WTIP: variants seen among roughly 807,000 people sequenced by gnomAD.
WTIP encodes WT1 interacting protein, also known as Wilms tumor protein 1-interacting protein.
A neutral mutation model predicts 41.7 loss-of-function variants in WTIP; 23 were observed. The observed-to-expected ratio is 0.55, with a 90% CI of 0.40 to 0.78. The LOEUF (loss-of-function observed/expected upper bound fraction) is 0.78, where lower values mean the gene tolerates loss of function less well. WTIP is among the 30% of genes least tolerant of loss of function. The pLI is 0.00. For missense variants in WTIP, 619 were observed against 610.5 expected (o/e 1.01, Z -0.15); for synonymous variants, 314 against 269.9 (o/e 1.16, Z -1.60).
In WTIP at chr19:34,500,282, C is replaced by A. The variant is rs368317673; in HGVS notation, c.*13C>A. ...CACTGAGCTCTGAGCAGGGGAAAAC[C>A]CGTCCCTGGGCCGGGGTGGGTGTGG... is the stretch of plus-strand genomic sequence containing the variant. On this transcript the variant is annotated 3_prime_UTR_variant, in exon 8 of 8. Transcript: ENST00000590071. 88 of 1,599,000 alleles carry A rather than the reference C, an allele frequency of 5.5e-5. No individual in the cohort carries two copies. Among genetic ancestry groups the A allele is most frequent in the Non-Finnish European group, 7.3e-5 (86 of 1,174,980 alleles).
rs549263522 is a variant in WTIP, at chr19:34,488,584, C to T, written c.668-1792C>T. Among the ~76,000 whole-genome samples, 747 of 151,526 alleles carry T rather than the reference C, an allele frequency of 4.9e-3. 5 individuals carry two copies. Among genetic ancestry groups the T allele is most frequent in the Middle Eastern group, 0.02 (6 of 294 alleles). On this transcript the variant is annotated intron_variant, in intron 1 of 7. Coordinates refer to ENST00000590071, the MANE Select transcript of WTIP (RefSeq NM_001080436.2). ...GTCTCGCTGTGTTTCCCAGGCTAGT[C>T]TGGAACTCTTCGGCTCAAGTGATCC...
intron 6 of WTIP, among the ~76,000 whole-genome samples, chr19:34,494,851 C>T (rs557645703): frequency 9.8e-5 from 15 of 152,346 alleles, no homozygotes; most frequent in Non-Finnish European, 1.9e-4. Flanking sequence ...TGGCCCCTGC[C>T]GCTCAGCTGC....
In WTIP at chr19:34,501,128, G is replaced by T. The variant is rs894407110; in HGVS notation, c.*859G>T. 2 of 152,686 alleles carry T rather than the reference G, an allele frequency of 1.3e-5. No homozygotes were observed. The highest frequency in any genetic ancestry group is 2.9e-5 in the Non-Finnish European group (2 of 68,046). 9.5% of individuals were successfully genotyped at this position (152,686 alleles called of 1,614,324 possible). ...TTGACTTAAATTAAGTTTTTCCCTT[G>T]AGGATATTTTCATTTTCTTTAAAAG... On this transcript the variant is annotated 3_prime_UTR_variant, in exon 8 of 8. Coordinates refer to ENST00000590071, the MANE Select transcript of WTIP (RefSeq NM_001080436.2).
chr19:34,489,913 G>A (rs767129740), intron 1 of WTIP, among the ~76,000 whole-genome samples: 10 of 152,130 alleles, frequency 6.6e-5, no homozygotes, highest in Non-Finnish European at 1.3e-4. Flanking sequence ...CAGCCTGTGG[G>A]ACAGAGCGAG....
intron 1 of WTIP, among the ~76,000 whole-genome samples, chr19:34,488,759 C>T (rs942073417): frequency 5.3e-5 from 8 of 151,872 alleles, no homozygotes; most frequent in Non-Finnish European, 8.8e-5. Flanking sequence ...CATCCTTGGC[C>T]GGGCATAGCA....
intron 1 of WTIP, among the ~76,000 whole-genome samples, chr19:34,489,412 ATACAGAGGAGGACAGAGTGGG>A (rs989327747): frequency 2.2e-4 from 33 of 152,072 alleles, no homozygotes; most frequent in Non-Finnish European, 3.1e-4. Context: ...GGACCCTGGC[ATACAGAGGAGGACAGAGTGGG>A]TACAGAGGAG....
chr19:34,493,229 C>T lies in WTIP; in HGVS notation c.838-34C>T. 6.2e-7 allele frequency: 1 copy of T among 1,613,412 alleles called. No homozygotes were observed. The highest frequency in any genetic ancestry group is 8.5e-7 in the Non-Finnish European group (1 of 1,179,572). On this transcript the variant is annotated intron_variant, in intron 3 of 7. Transcript: ENST00000590071. This position sits in a 1 kb window ranked among gnomAD's most constrained non-coding sequence, Gnocchi z 4.1. ...AGCTGGGCCGCGAGTGCCCCTTTGT[C>T]ACACAATGTCCTGGATCCTGTGTCC...
At position 34,493,505 on chromosome 19, in the gene WTIP, T is replaced by C; in HGVS notation, c.914T>C (p.Leu305Pro). 1 of 1,613,588 alleles carries C rather than the reference T, an allele frequency of 6.2e-7. No individual in the cohort carries two copies. Among genetic ancestry groups the C allele is most frequent in the Admixed American group, 1.7e-5 (1 of 60,030 alleles). Residue 305 changes from leucine (L) to proline (P), a missense_variant, in exon 5 of 8, where the codon CTG (leucine) becomes CCG (proline). By Grantham distance (98) the Leu-to-Pro change is moderately conservative. Around this residue, in one of 3 missense-constraint regions of WTIP, gnomAD observed 164 missense variants for 219.1 expected, o/e 0.75. Coordinates refer to ENST00000590071, the MANE Select transcript of WTIP (RefSeq NM_001080436.2). The surrounding 1 kb of genome is among the most constrained non-coding windows in gnomAD (Gnocchi z 4.1). ...CCCCGCCCACAGATCCTGCAGGCCC[T>C]GGGCAAGTCCTACCACCCAGGCTGC... ...HLIMEMILQA[L>P]GKSYHPGCFR...
chr19:34,482,527 C>T lies in WTIP; in HGVS notation c.553C>T (p.Leu185Phe), dbSNP rs1371791966. 1 of 1,230,622 alleles carries T rather than the reference C, an allele frequency of 8.1e-7. No homozygotes were observed. Among genetic ancestry groups the T allele is most frequent in the Non-Finnish European group, 1.0e-6 (1 of 988,352 alleles). The allele number at this position is 1,230,622 out of a possible 1,614,324, so 76.2% of individuals were successfully genotyped here. The change falls in exon 1 of 8, where the codon CTC becomes TTC. Residue 185 changes from leucine (L) to phenylalanine (F), a missense_variant. Transcript: ENST00000590071. The stretch of plus-strand genomic sequence containing the variant: ...GCCGGCTCCCTTCCCGCTGCCTGCA[C>T]TCCCGCTGCCCCCTGGCCGGGAGGG... ...AGPAPFPLPA[L>F]PLPPGREGGP...
Position 34,493,657 on chromosome 19 carries a change from G to A in WTIP, c.1031+35G>A, listed in dbSNP as rs745616431. 74 of 1,611,158 alleles carry A rather than the reference G, an allele frequency of 4.6e-5. No individual in the cohort carries two copies. The Admixed American group carries it at 6.7e-4, about 15-fold the overall frequency. On this transcript the variant is annotated intron_variant, in intron 5 of 7. Coordinates refer to ENST00000590071, the MANE Select transcript of WTIP (RefSeq NM_001080436.2). This position sits in a 1 kb window ranked among gnomAD's most constrained non-coding sequence, Gnocchi z 4.1. ...TGGTGCTGTGGAGCAGGCGGGACTC[G>A]GGCCGTCCTCCCTGGCTCCTCTGGA... is the stretch of plus-strand genomic sequence containing the variant.
In WTIP at chr19:34,493,328, GAGCCCCTGCCCC is replaced by G. The variant is rs1568400008; in HGVS notation, c.900+8_900+19del. The G allele has an allele frequency of 6.2e-7, 1 of 1,612,116 alleles. No individual in the cohort carries two copies. ...GTGGACATCTCATCATGGAAATGGT[GAGCCCCTGCCCC>G]AGCCTCCTGGAGCCCCTCTGACGTG... On this transcript the variant is annotated splice_donor_5th_base_variant and intron_variant, in intron 4 of 7. Coordinates refer to ENST00000590071, the MANE Select transcript of WTIP (RefSeq NM_001080436.2). This position sits in a 1 kb window ranked among gnomAD's most constrained non-coding sequence, Gnocchi z 4.1.
chr19:34,482,161 G>A lies in WTIP; in HGVS notation c.187G>A (p.Ala63Thr), dbSNP rs1410027185. The A allele has an allele frequency of 5.6e-6, 6 of 1,077,678 alleles. No individual in the cohort carries two copies. The Admixed American group carries it at 3.2e-4, about 57-fold the overall frequency. 66.8% of individuals were successfully genotyped at this position (1,077,678 alleles called of 1,614,324 possible). ...GKGSGGPEAG[A>T]DGLSRGERGP... ...GGGCAGCGGCGGCCCCGAGGCCGGG[G>A]CGGACGGACTGAGCCGCGGGGAGCG... The change falls in exon 1 of 8, where the codon GCG becomes ACG. Residue 63 changes from alanine to threonine, a missense_variant. Physicochemically the swap from Ala to Thr is moderately conservative, Grantham distance 58. This residue lies in a region of WTIP where 363 missense variants were observed against 309.0 expected (regional missense o/e 1.17). Transcript: ENST00000590071.
At position 34,500,400 on chromosome 19, in the gene WTIP, G is replaced by T; in HGVS notation, c.*131G>T. 8.0e-7 allele frequency: 1 copy of T among 1,251,358 alleles called. No individual in the cohort carries two copies. The highest frequency in any genetic ancestry group is 1.1e-6 in the Non-Finnish European group (1 of 941,868). The allele number at this position is 1,251,358 out of a possible 1,614,324, so 77.5% of individuals were successfully genotyped here. A position where few individuals can be genotyped will look rare whatever the true frequency, so the allele number is the denominator to read the frequency against. ...CACCGAGCTGCTGTCTGCAGGGGCC[G>T]GACCCCCGCGTGGAAGCTTCTATTT... On this transcript the variant is annotated 3_prime_UTR_variant, in exon 8 of 8. Coordinates refer to ENST00000590071, the MANE Select transcript of WTIP (RefSeq NM_001080436.2).
rs1466147255 is a variant in WTIP, at chr19:34,501,451, C to G, written c.*1182C>G. ...GGACACACTGACGGGAATGTGGGGT[C>G]TGGACATGGGAGGCCCTGGTCCTGA... is the stretch of plus-strand genomic sequence containing the variant. On this transcript the variant is annotated 3_prime_UTR_variant, in exon 8 of 8. Coordinates refer to ENST00000590071, the MANE Select transcript of WTIP (RefSeq NM_001080436.2). 6.6e-6 allele frequency: 1 copy of G among 152,316 alleles called. No individual in the cohort carries two copies. The highest frequency in any genetic ancestry group is 6.5e-5 in the Admixed American group (1 of 15,288). The allele number at this position is 152,316 out of a possible 1,614,324, so 9.4% of individuals were successfully genotyped here.
chr19:34,483,788 C>T (rs1202327915), intron 1 of WTIP, among the ~76,000 whole-genome samples: 1 of 152,162 alleles, frequency 6.6e-6, no homozygotes, highest in East Asian at 1.9e-4. Flanking sequence ...ACTTCCCAAC[C>T]CGCCTTCTGT....
Position 34,481,875 on chromosome 19 carries a change from G to A in WTIP, c.-100G>A. 4.1e-6 allele frequency: 3 copies of A among 738,924 alleles called. No homozygotes were observed. Among genetic ancestry groups the A allele is most frequent in the Non-Finnish European group, 3.3e-6 (2 of 606,474 alleles). 45.8% of individuals were successfully genotyped at this position (738,924 alleles called of 1,614,324 possible). ...CCCCGCCCCGCGCCCAGGGGTCCCGGGGCGGGCTCCGGGCTTCGGGCGGAC... is the reference window on the plus strand; with the variant it reads ...CCCCGCCCCGCGCCCAGGGGTCCCGAGGCGGGCTCCGGGCTTCGGGCGGAC... On this transcript the variant is annotated 5_prime_UTR_variant, in exon 1 of 8. Coordinates refer to ENST00000590071, the MANE Select transcript of WTIP (RefSeq NM_001080436.2).
rs749207841 is a variant in WTIP at position 34,503,331 on chromosome 19, TATG to T, written c.*3064_*3066del. On this transcript the variant is annotated 3_prime_UTR_variant, in exon 8 of 8. Coordinates refer to ENST00000590071, the MANE Select transcript of WTIP (RefSeq NM_001080436.2). ...GCCACTCTCCCGGGGTTTCTTCCTC[TATG>T]AAGAAACCTTGGCCTCTATGAAGTC... 35,404 of 152,200 alleles carry T rather than the reference TATG, an allele frequency of 0.23. 4,330 individuals carry two copies. Among genetic ancestry groups the T allele is most frequent in the East Asian group, 0.39 (2,022 of 5,152 alleles). The allele number at this position is 152,200 out of a possible 1,614,324, so 9.4% of individuals were successfully genotyped here.
Position 34,509,711 on chromosome 19 carries a change from A to G in WTIP, c.*9442A>G, listed in dbSNP as rs921461817. 6.6e-6 allele frequency: 1 copy of G among 152,182 alleles called. No homozygotes were observed. Among genetic ancestry groups the G allele is most frequent in the Admixed American group, 6.5e-5 (1 of 15,274 alleles). 9.4% of individuals were successfully genotyped at this position (152,182 alleles called of 1,614,324 possible). The stretch of plus-strand genomic sequence containing the variant: ...GAGACAAGGCAAGGCCCTTCCACCT[A>G]TGAGCCTGTAAAATCAAAAGCAAGT... On this transcript the variant is annotated 3_prime_UTR_variant, in exon 8 of 8. Coordinates refer to ENST00000590071, the MANE Select transcript of WTIP (RefSeq NM_001080436.2).
intron 1 of WTIP, among the ~76,000 whole-genome samples, chr19:34,484,477 G>C (rs1296371280): frequency 6.6e-6 from 1 of 152,142 alleles, no homozygotes; most frequent in East Asian, 1.9e-4. Flanking sequence ...GGCAGGTCTC[G>C]TGGCGCCTGT....
Sources: gnomAD v4.1 joint callset for allele counts (sites outside exome capture counted in the v4.1 genomes callset) on GRCh38, gnomAD v4.1.1 for gene constraint, gnomAD v4.1.1 regional missense constraint, Gnocchi (gnomAD v3.1) non-coding constraint, MANE v1.5 for transcripts, NCBI Gene and HGNC (gene_info 2026-07-23, HGNC 2026-07-21) for gene names.